MYO16: variants seen among roughly 807,000 people sequenced by gnomAD.
The protein encoded by MYO16 is unconventional myosin-XVI.
In MYO16, 94 loss-of-function variants were observed where a neutral mutation model predicts 205.3. The observed-to-expected ratio is 0.46, with a 90% CI of 0.39 to 0.54. MYO16 has a LOEUF of 0.54. Ranked by LOEUF, MYO16 falls within the 20% of genes least tolerant of loss-of-function variation. The pLI, the probability that MYO16 is intolerant of heterozygous loss-of-function variation, is 0.00. For synonymous variants in MYO16, 988 were observed against 954.0 expected (o/e 1.04, Z -0.66); for missense variants, 2,315 against 2,387.5 (o/e 0.97, Z 0.63).
At chr13:108,517,044 C>T in the MYO16 span, among the ~76,000 whole-genome samples, 15 of 152,250 alleles carry the variant, frequency 9.9e-5, no homozygotes, top group South Asian at 1.9e-3. Flanking sequence ...GGTCCTCCCA[C>T]CTTACCTTCT....
Position 108,910,066 on chromosome 13 carries a change from A to G in MYO16, c.1841A>G (p.Asn614Ser). The G allele has an allele frequency of 1.2e-6, 2 of 1,613,302 alleles. No homozygotes were observed. The highest frequency in any genetic ancestry group is 1.3e-5 in the African/African-American group (1 of 74,986). The change falls in exon 16 of 35, where the codon AAT becomes AGT. Residue 614 changes from asparagine (N) to serine (S), a missense_variant. Around this residue, in one of 3 missense-constraint regions of MYO16, gnomAD observed 1,213 missense variants for 1,274.4 expected, o/e 0.95. Transcript: ENST00000457511. ...RLVSQPLGQS[N>S]FLIFYLLMDG... ...GTTTCACAACCTCTTGGCCAGAGCA[A>G]TTTTCTCATTTTCTACTTGTTGATG... is the stretch of plus-strand genomic sequence containing the variant.
At chr13:108,684,154 G>A (rs1332918340) in intron 2 of MYO16, among the ~76,000 whole-genome samples, 4 of 152,322 alleles carry the variant, frequency 2.6e-5, no homozygotes, top group African/African-American at 4.8e-5. Context: ...GATTACAGGC[G>A]TGAGCCACCG....
the MYO16 span, among the ~76,000 whole-genome samples, chr13:108,561,351 C>CAT: frequency 6.6e-6 from 1 of 152,186 alleles, no homozygotes; most frequent in South Asian, 2.1e-4. Context: ...ATTCTCTTGG[C>CAT]ATAGACTTCC....
chr13:109,061,232 G>C (rs905934844), intron 27 of MYO16, among the ~76,000 whole-genome samples: 2 of 152,092 alleles, frequency 1.3e-5, no homozygotes, highest in Non-Finnish European at 2.9e-5. Context: ...CTCCATATCG[G>C]CAATAAGGCA....
chr13:109,038,697 A>G (rs1241193678), intron 23 of MYO16, among the ~76,000 whole-genome samples: 1 of 152,026 alleles, frequency 6.6e-6, no homozygotes, highest in Non-Finnish European at 1.5e-5. Flanking sequence ...CAAAAAGAAA[A>G]CATTCGGGCT....
At chr13:108,802,103 G>A (rs1268749861) in intron 6 of MYO16, among the ~76,000 whole-genome samples, 1 of 152,134 alleles carries the variant, frequency 6.6e-6, no homozygotes, top group East Asian at 1.9e-4. Context: ...TGAGACACTG[G>A]AAATGTATTC....
intron 6 of MYO16, among the ~76,000 whole-genome samples, chr13:108,795,075 G>A (rs759295576): frequency 1.2e-4 from 19 of 152,006 alleles, no homozygotes; most frequent in Admixed American, 2.0e-4. Flanking sequence ...TTAGAGTTAC[G>A]TTGTTATAGT....
At chr13:108,857,096 T>TTTTG (rs1275225793) in intron 11 of MYO16, among the ~76,000 whole-genome samples, 8 of 152,190 alleles carry the variant, frequency 5.3e-5, no homozygotes, top group African/African-American at 1.2e-4. Flanking sequence ...TAGACTGTTT[T>TTTTG]TTTGTTTGTT....
intron 19 of MYO16, 120 bp from the exon 20 acceptor site, chr13:108,964,641 T>G: frequency 2.7e-6 from 3 of 1,097,148 alleles, no homozygotes; most frequent in Non-Finnish European, 3.9e-6. Context: ...ATCCGTATAA[T>G]TTTTATACAT....
the MYO16 span, among the ~76,000 whole-genome samples, chr13:108,500,367 T>C: frequency 6.6e-6 from 1 of 151,398 alleles, no homozygotes; most frequent in Admixed American, 6.6e-5. Flanking sequence ...GTAGCTGCGA[T>C]TACAGGCGCC....
chr13:108,944,559 G>A (rs1481791311), intron 16 of MYO16, among the ~76,000 whole-genome samples: 2 of 152,116 alleles, frequency 1.3e-5, no homozygotes, highest in Non-Finnish European at 2.9e-5. Flanking sequence ...GTTGAGATTT[G>A]TTGTTAACTG....
intron 4 of MYO16, among the ~76,000 whole-genome samples, chr13:108,777,325 A>G (rs1305074289): frequency 6.6e-6 from 1 of 152,224 alleles, no homozygotes; most frequent in Non-Finnish European, 1.5e-5. Flanking sequence ...TGCATTTAAT[A>G]TTAATATTAT....
At position 109,206,761 on chromosome 13, in the gene MYO16, G is replaced by A; in HGVS notation, c.5568G>A (p.Lys1856=). ...TGCCTCCCCCACCACCTTGCAAGAA[G>A]CCCAGCCTTCTGAAGAAGCCGGAAG... The part of the protein sequence containing the change: ...PRVPPPPPCK[K]PSLLKKPEGA... The change falls in exon 35 of 35, where the codon AAG becomes AAA. Residue 1856 remains lysine (K), a synonymous_variant. Coordinates refer to ENST00000457511, the MANE Select transcript of MYO16 (RefSeq NM_001198950.3). 1 of 1,614,124 alleles carries A rather than the reference G, an allele frequency of 6.2e-7. No individual in the cohort carries two copies. The highest frequency in any genetic ancestry group is 8.5e-7 in the Non-Finnish European group (1 of 1,180,014).
intron 1 of MYO16, among the ~76,000 whole-genome samples, chr13:108,613,282 C>T (rs1284926078): frequency 6.6e-6 from 1 of 152,186 alleles, no homozygotes; most frequent in Non-Finnish European, 1.5e-5. Context: ...CCTGTAAAAA[C>T]ATTGGAAATA....
intron 28 of MYO16, among the ~76,000 whole-genome samples, chr13:109,102,538 T>C (rs1353006046): frequency 6.6e-6 from 1 of 152,052 alleles, no homozygotes. Context: ...GTGAGATAGA[T>C]GTATGTGTAT....
intron 3 of MYO16, among the ~76,000 whole-genome samples, chr13:108,721,330 G>C (rs1301324355): frequency 6.6e-6 from 1 of 152,172 alleles, no homozygotes; most frequent in Non-Finnish European, 1.5e-5. Flanking sequence ...CATAGATTGG[G>C]ATGCCAGAAT....
chr13:108,731,754 G>A (rs1044389186), intron 4 of MYO16, among the ~76,000 whole-genome samples: 15 of 152,026 alleles, frequency 9.9e-5, no homozygotes, highest in African/African-American at 2.4e-4. Flanking sequence ...AATTATCACC[G>A]ATTATGTGTG....
chr13:109,092,283 T>C (rs1888647607), intron 27 of MYO16, among the ~76,000 whole-genome samples: 1 of 151,616 alleles, frequency 6.6e-6, no homozygotes, highest in South Asian at 2.1e-4. Flanking sequence ...TTCCTGATAG[T>C]CTTTTTTTAA....
chr13:109,185,020 C>T (rs1318571429), intron 34 of MYO16, among the ~76,000 whole-genome samples: 1 of 152,022 alleles, frequency 6.6e-6, no homozygotes, highest in Admixed American at 6.6e-5. Context: ...AATGATTTGC[C>T]CCCCTCCCTC....
Sources: allele counts gnomAD v4.1 joint callset (sites outside exome capture counted in the v4.1 genomes callset), GRCh38; gene constraint gnomAD v4.1.1; regional missense constraint gnomAD v4.1.1; transcripts MANE v1.5; gene names NCBI Gene and HGNC (gene_info 2026-07-23, HGNC 2026-07-21).